The following ABCA13 variants were observed in gnomAD, a reference collection of about 807,000 sequenced individuals.
ABCA13 encodes the protein ATP-binding cassette sub-family A member 13.
Under a neutral mutation model 478.7 loss-of-function variants are expected in ABCA13, and 476 were observed. That is an observed-to-expected ratio of 0.99 (90% CI 0.92 to 1.07). ABCA13 has a LOEUF of 1.07. Ranked by LOEUF, ABCA13 falls within the 50% of genes least tolerant of loss-of-function variation. ABCA13 has a pLI of 0.00. For missense variants in ABCA13, 6,060 were observed against 5,910.6 expected (o/e 1.03, Z -0.83); for synonymous variants, 2,252 against 2,158.9 (o/e 1.04, Z -1.20).
chr7:48,433,350 A>C (rs997767832), intron 42 of ABCA13, among the ~76,000 whole-genome samples: 4 of 151,384 alleles, frequency 2.6e-5, no homozygotes, highest in African/African-American at 9.7e-5. Context: ...TAAGTACAGT[A>C]CTCAAAAAAT....
In ABCA13 at chr7:48,171,504, G is replaced by C. The variant is rs906989628; in HGVS notation, c.21G>C (p.Gln7His). The C allele has an allele frequency of 4.6e-6, 7 of 1,536,224 alleles. No individual in the cohort carries two copies. The highest frequency in any genetic ancestry group is 6.1e-6 in the Non-Finnish European group (7 of 1,146,900). The change falls in exon 1 of 62, where the codon CAG becomes CAC. Residue 7 changes from glutamine (Q) to histidine (H), a missense_variant. Gln to His is a conservative substitution (Grantham distance 24). This residue lies in a region of ABCA13 where 4,423 missense variants were observed against 4,309.1 expected (regional missense o/e 1.03). Coordinates refer to ENST00000435803, the MANE Select transcript of ABCA13 (RefSeq NM_152701.5). MGHAGC[Q>H]FKALLWKNWL... The stretch of plus-strand genomic sequence containing the variant: ...CAGGCATGGGGCATGCCGGGTGCCA[G>C]TTCAAAGCCCTGCTGTGGAAGAATT...
chr7:48,268,469 C>A (rs549885244), intron 15 of ABCA13, among the ~76,000 whole-genome samples: 2 of 152,240 alleles, frequency 1.3e-5, no homozygotes, highest in Admixed American at 1.3e-4. Flanking sequence ...ACCTTTAACT[C>A]TTTTGGGTGT....
intron 19 of ABCA13, among the ~76,000 whole-genome samples, chr7:48,284,238 A>G (rs1797425380): frequency 6.6e-6 from 1 of 152,226 alleles, no homozygotes; most frequent in Admixed American, 6.5e-5. Flanking sequence ...TCTAAGAAAC[A>G]TGGAAAAGGA....
chr7:48,632,734 G>A (rs1794268894), intron 59 of ABCA13, among the ~76,000 whole-genome samples: 1 of 152,156 alleles, frequency 6.6e-6, no homozygotes, highest in South Asian at 2.1e-4. Flanking sequence ...TTTTGCAAGG[G>A]TGCTAAGAAC....
At position 48,276,315 on chromosome 7, in the gene ABCA13, G is replaced by T; in HGVS notation, c.6649G>T (p.Ala2217Ser). 1 of 1,554,888 alleles carries T rather than the reference G, an allele frequency of 6.4e-7. No individual in the cohort carries two copies. Among genetic ancestry groups the T allele is most frequent in the African/African-American group, 1.4e-5 (1 of 73,270 alleles). Residue 2217 changes from alanine (A) to serine (S), a missense_variant, in exon 17 of 62, where the codon GCT becomes TCT. Around this residue, in one of 3 missense-constraint regions of ABCA13, gnomAD observed 4,423 missense variants for 4,309.1 expected, o/e 1.03. Transcript: ENST00000435803. ...CCTAATTAATTTGATCAATAACTTA[G>T]CTGGGAATTCTCAGGAAGCAGCTTG... ...NILINLINNL[A>S]GNSQEAAWNL...
In ABCA13 at chr7:48,626,069, G is replaced by A. The variant is rs143105350; in HGVS notation, c.14837+10692G>A. On this transcript the variant is annotated intron_variant, in intron 59 of 61. Transcript: ENST00000435803. ...AGACTGGTGAACGAAATGCTGTGTTGTGCATCTCAGTTTAAACCTGCAAAC... is the reference window on the plus strand; with the variant it reads ...AGACTGGTGAACGAAATGCTGTGTTATGCATCTCAGTTTAAACCTGCAAAC... Among the ~76,000 whole-genome samples the A allele has an allele frequency of 1.3e-4, 20 of 152,316 alleles. No individual in the cohort carries two copies. The East Asian group carries it at 3.7e-3, about 28-fold the overall frequency.
chr7:48,328,362 G>T (rs1034099399), intron 27 of ABCA13, among the ~76,000 whole-genome samples: 3 of 152,158 alleles, frequency 2.0e-5, no homozygotes, highest in Admixed American at 2.0e-4. Context: ...GTTGTCCGTG[G>T]TTTGGTGAGG....
chr7:48,330,233 A>G (rs942281711), intron 27 of ABCA13, among the ~76,000 whole-genome samples: 3 of 147,908 alleles, frequency 2.0e-5, no homozygotes, highest in South Asian at 4.3e-4. Context: ...ATCCATTCAC[A>G]TATCCATCCA....
At chr7:48,478,293 T>TTATATATATATA (rs3078321) in intron 45 of ABCA13, among the ~76,000 whole-genome samples, 8 of 132,854 alleles carry the variant, frequency 6.0e-5, no homozygotes, top group Non-Finnish European at 9.5e-5. Flanking sequence ...ATATATCATT[T>TTATATATATATA]TATATATATA....
intron 46 of ABCA13, 82 bp downstream of exon 46, chr7:48,481,236 A>C: frequency 1.7e-6 from 2 of 1,182,674 alleles, no homozygotes; most frequent in Middle Eastern, 3.8e-4. Context: ...ATGTTCTTAA[A>C]AAGTCAAAAA....
At chr7:48,449,352 A>T (rs1294090851) in intron 42 of ABCA13, among the ~76,000 whole-genome samples, 3 of 150,766 alleles carry the variant, frequency 2.0e-5, no homozygotes, top group African/African-American at 7.3e-5. Flanking sequence ...TAAAAATAAG[A>T]TGTTTGATTT....
Position 48,313,216 on chromosome 7 carries a change from C to T in ABCA13, c.9666C>T (p.Thr3222=). Residue 3222 remains threonine, a synonymous_variant, in exon 25 of 62, where the codon ACC becomes ACT. Transcript: ENST00000435803. ...TTAAAATCACTGCCTTGCTAGAAACCCTGGACTTTCAACAGGTGTGTGTTT... is the reference window on the plus strand; with the variant it reads ...TTAAAATCACTGCCTTGCTAGAAACTCTGGACTTTCAACAGGTGTGTGTTT... ...HTFKITALLE[T]LDFQQVSQNV... 1 of 1,610,520 alleles carries T rather than the reference C, an allele frequency of 6.2e-7. No individual in the cohort carries two copies.
At chr7:48,232,354 T>C (rs2128995532) in intron 7 of ABCA13, among the ~76,000 whole-genome samples, 1 of 152,098 alleles carries the variant, frequency 6.6e-6, no homozygotes, top group Non-Finnish European at 1.5e-5. Flanking sequence ...CAAGTTTTTG[T>C]ACATCATCCA....
chr7:48,261,511 C>A (rs1389795906), intron 15 of ABCA13, among the ~76,000 whole-genome samples: 1 of 151,488 alleles, frequency 6.6e-6, no homozygotes, highest in Non-Finnish European at 1.5e-5. Flanking sequence ...TCAGTTGAAC[C>A]CCCTGTATGA....
At chr7:48,489,414 A>T in intron 48 of ABCA13, 70 bp downstream of exon 48, 1 of 1,351,290 alleles carries the variant, frequency 7.4e-7, no homozygotes, top group Non-Finnish European at 1.0e-6. Flanking sequence ...TGAAAGAAAC[A>T]GAAAAGTTTC....
At chr7:48,409,111 G>A (rs912377812) in intron 39 of ABCA13, among the ~76,000 whole-genome samples, 1 of 152,198 alleles carries the variant, frequency 6.6e-6, no homozygotes, top group African/African-American at 2.4e-5. Context: ...CTTGAGTAGA[G>A]TTAAAGACAT....
intron 39 of ABCA13, among the ~76,000 whole-genome samples, chr7:48,409,192 A>G (rs1282324884): frequency 6.6e-6 from 1 of 152,206 alleles, no homozygotes; most frequent in Non-Finnish European, 1.5e-5. Flanking sequence ...TCTATTTAAT[A>G]AAACGGAACA....
chr7:48,348,741 T>C lies in ABCA13; in HGVS notation c.10205-1902T>C, dbSNP rs376857481. On this transcript the variant is annotated intron_variant, in intron 29 of 61. Coordinates refer to ENST00000435803, the MANE Select transcript of ABCA13 (RefSeq NM_152701.5). ...CAAGATTTTCATTCTTTCTGAAATATAGATGATAAATCTCAGGCTTAGAGA... is the reference window on the plus strand; with the variant it reads ...CAAGATTTTCATTCTTTCTGAAATACAGATGATAAATCTCAGGCTTAGAGA... 3.0e-4 allele frequency among the ~76,000 whole-genome samples: 46 copies of C among 152,348 alleles called. No individual in the cohort carries two copies. The South Asian group carries it at 3.5e-3, about 12-fold the overall frequency.
chr7:48,319,525 T>C (rs1053466394), intron 27 of ABCA13, among the ~76,000 whole-genome samples: 4 of 152,214 alleles, frequency 2.6e-5, no homozygotes, highest in Admixed American at 6.5e-5. Context: ...CAATATTATC[T>C]ACAGTGTTGG....
Sources: gnomAD v4.1 joint callset for allele counts (sites outside exome capture counted in the v4.1 genomes callset) on GRCh38, gnomAD v4.1.1 for gene constraint, gnomAD v4.1.1 regional missense constraint, MANE v1.5 for transcripts, NCBI Gene and HGNC (gene_info 2026-07-23, HGNC 2026-07-21) for gene names.